The following HGSNAT variants were observed in gnomAD, a reference collection of about 807,000 sequenced individuals.
The protein encoded by HGSNAT is heparan-alpha-glucosaminide N-acetyltransferase.
In HGSNAT, 59 loss-of-function variants were observed where a neutral mutation model predicts 85.2. The observed-to-expected ratio is 0.69, with a 90% CI of 0.56 to 0.86. The LOEUF is 0.86. Among genes scored for constraint, HGSNAT ranks in the 40% least tolerant of loss-of-function variants. The pLI is 0.00. For missense variants in HGSNAT, 756 were observed against 777.1 expected (o/e 0.97, Z 0.32); for synonymous variants, 321 against 304.5 (o/e 1.05, Z -0.56).
intron 14 of HGSNAT, among the ~76,000 whole-genome samples, chr8:43,195,515 G>A (rs1033270544): frequency 1.3e-4 from 19 of 144,416 alleles, no homozygotes; most frequent in African/African-American, 4.1e-4. Context: ...AGGAGGAGGA[G>A]GAAGAAGAGG....
At chr8:43,167,366 T>C (rs1291501756) in intron 5 of HGSNAT, among the ~76,000 whole-genome samples, 1 of 152,154 alleles carries the variant, frequency 6.6e-6, no homozygotes, top group Non-Finnish European at 1.5e-5. Context: ...ATTTCGGAAA[T>C]TGCCACAGCC....
intron 3 of HGSNAT, 66 bp downstream of exon 3, chr8:43,158,777 G>A: frequency 6.5e-7 from 1 of 1,529,646 alleles, no homozygotes; most frequent in Non-Finnish European, 8.8e-7. Flanking sequence ...TTTGGTTTTA[G>A]CTTTTTTTCT....
chr8:43,183,213 C>A (rs1238032908), intron 11 of HGSNAT, among the ~76,000 whole-genome samples: 1 of 152,236 alleles, frequency 6.6e-6, no homozygotes, highest in African/African-American at 2.4e-5. Context: ...GTTACCCAGG[C>A]TGGAGTGCAG....
At position 43,199,416 on chromosome 8, in the gene HGSNAT, C is replaced by A; in HGVS notation, c.1755C>A (p.Gly585=). ...PGMNSILVYV[G]HEVFENYFPF... is the part of the protein sequence containing the mutation. ...TGAATTCCATTCTGGTATATGTCGG[C>A]CACGAGGTGTTTGAGAACTACTTCC... The change falls in exon 18 of 18, where the codon GGC becomes GGA. Residue 585 remains glycine, a synonymous_variant. Coordinates refer to ENST00000379644, the MANE Select transcript of HGSNAT (RefSeq NM_152419.3). 1 of 1,606,116 alleles carries A rather than the reference C, an allele frequency of 6.2e-7. No homozygotes were observed. Among genetic ancestry groups the A allele is most frequent in the Non-Finnish European group, 8.5e-7 (1 of 1,175,984 alleles).
At chr8:43,197,591 C>A in intron 15 of HGSNAT, 81 bp from the exon 16 acceptor site, 1 of 973,566 alleles carries the variant, frequency 1.0e-6, no homozygotes, top group South Asian at 1.4e-5. Context: ...GATTAAATAA[C>A]TAATATATAT....
intron 11 of HGSNAT, among the ~76,000 whole-genome samples, chr8:43,190,641 G>A (rs1043959187): frequency 1.3e-5 from 2 of 152,216 alleles, no homozygotes; most frequent in African/African-American, 4.8e-5. Context: ...GGTTCAGTGG[G>A]ACACTAAGAA....
intron 1 of HGSNAT, among the ~76,000 whole-genome samples, chr8:43,141,466 C>T (rs560060069): frequency 1.3e-5 from 2 of 152,212 alleles, no homozygotes; most frequent in East Asian, 3.9e-4. Flanking sequence ...ATACAGATTC[C>T]AGGTCTCCAT....
intron 11 of HGSNAT, 155 bp downstream of exon 11, chr8:43,182,415 G>C (rs1367373964): frequency 2.8e-6 from 2 of 717,260 alleles, no homozygotes; most frequent in African/African-American, 1.8e-5. Flanking sequence ...CGGGATTACA[G>C]GTGTGAGCCA....
At chr8:43,195,545 AGAG>A (rs568827548) in intron 14 of HGSNAT, among the ~76,000 whole-genome samples, 57 of 109,286 alleles carry the variant, frequency 5.2e-4, no homozygotes, top group African/African-American at 7.3e-4. Context: ...AGGAGGGAGT[AGAG>A]GAGGAGGAGG....
intron 11 of HGSNAT, among the ~76,000 whole-genome samples, chr8:43,190,345 C>T (rs1227718224): frequency 3.3e-5 from 5 of 152,186 alleles, no homozygotes; most frequent in Admixed American, 2.6e-4. Flanking sequence ...TTTCAAGATA[C>T]GTAACTAGCA....
chr8:43,162,673 T>C (rs1803303761), intron 5 of HGSNAT, among the ~76,000 whole-genome samples: 1 of 151,948 alleles, frequency 6.6e-6, no homozygotes, highest in African/African-American at 2.4e-5. Context: ...CACCTTTGCC[T>C]CCTAAGTAGT....
At chr8:43,167,155 ATGTTGTGAACAT>A (rs1260501384) in intron 5 of HGSNAT, among the ~76,000 whole-genome samples, 6 of 152,266 alleles carry the variant, frequency 3.9e-5, no homozygotes, top group Non-Finnish European at 8.8e-5. Context: ...CCTGGTAACC[ATGTTGTGAACAT>A]TGCTGAGATG....
chr8:43,179,256 C>A (rs1803938678), intron 10 of HGSNAT, among the ~76,000 whole-genome samples: 1 of 151,750 alleles, frequency 6.6e-6, no homozygotes. Flanking sequence ...CCCCCACCAC[C>A]CTCCCGGACG....
At chr8:43,152,971 GC>G (rs1301268005) in intron 2 of HGSNAT, among the ~76,000 whole-genome samples, 1 of 151,820 alleles carries the variant, frequency 6.6e-6, no homozygotes, top group Non-Finnish European at 1.5e-5. Context: ...TCAAAAGACG[GC>G]CCAAATTGGT....
intron 10 of HGSNAT, 25 bp downstream of exon 10, chr8:43,178,259 A>G (rs1803884609): frequency 2.7e-6 from 4 of 1,454,584 alleles, no homozygotes; most frequent in Non-Finnish European, 3.6e-6. Context: ...CCTCTGTTAT[A>G]TATATTCAGG....
intron 6 of HGSNAT, 40 bp downstream of exon 6, chr8:43,169,282 T>C: frequency 7.8e-7 from 1 of 1,276,394 alleles, no homozygotes; most frequent in Non-Finnish European, 1.1e-6. Context: ...CAGGTGGTTT[T>C]CTAAACTTGG....
chr8:43,166,285 A>T (rs1803432811), intron 5 of HGSNAT, among the ~76,000 whole-genome samples: 1 of 152,246 alleles, frequency 6.6e-6, no homozygotes. Context: ...CACAGTTTCC[A>T]TGCAGATGAA....
At chr8:43,185,885 A>G (rs568940742) in intron 11 of HGSNAT, among the ~76,000 whole-genome samples, 69 of 152,280 alleles carry the variant, frequency 4.5e-4, no homozygotes, top group African/African-American at 1.6e-3. Context: ...TTCTGCATCT[A>G]TTGAGATAAT....
intron 2 of HGSNAT, among the ~76,000 whole-genome samples, chr8:43,156,698 T>G (rs1282029295): frequency 6.6e-6 from 1 of 152,206 alleles, no homozygotes; most frequent in Non-Finnish European, 1.5e-5. Context: ...GTTACAATGT[T>G]GGGTGCAAAT....
Sources: gnomAD v4.1 joint callset for allele counts (sites outside exome capture counted in the v4.1 genomes callset) on GRCh38, gnomAD v4.1.1 for gene constraint, MANE v1.5 for transcripts, NCBI Gene and HGNC (gene_info 2026-07-23, HGNC 2026-07-21) for gene names.